The following OPCML variants were observed in gnomAD, a reference collection of about 807,000 sequenced individuals.
OPCML encodes the protein opioid binding protein/cell adhesion molecule like, also known as opioid-binding protein/cell adhesion molecule.
Under a neutral mutation model 37.8 loss-of-function variants are expected in OPCML, and 13 were observed. That is an observed-to-expected ratio of 0.34 (90% CI 0.22 to 0.55). The LOEUF (loss-of-function observed/expected upper bound fraction) is 0.55, where lower values mean the gene tolerates loss of function less well. OPCML is among the 20% of genes least tolerant of loss of function. The pLI, the probability that OPCML is intolerant of heterozygous loss-of-function variation, is 0.91. For synonymous variants in OPCML, 176 were observed against 168.8 expected, an observed-to-expected ratio of 1.04 and a Z score of -0.33; for missense variants, 341 against 435.6, an observed-to-expected ratio of 0.78 and a Z score of 1.93.
At chr11:132,932,774 G>A (rs985762457) in intron 2 of OPCML, among the ~76,000 whole-genome samples, 2 of 150,356 alleles carry the variant, frequency 1.3e-5, no homozygotes, top group African/African-American at 2.4e-5. Context: ...TTGTGCTCTT[G>A]CTGCAATGTA....
chr11:132,654,506 T>TTCCCCAAGAGAAGCTCC (rs1165031494), intron 3 of OPCML, among the ~76,000 whole-genome samples: 59 of 105,214 alleles, frequency 5.6e-4, no homozygotes, highest in Admixed American at 3.8e-3. Flanking sequence ...AGAGAAGCTC[T>TTCCCCAAGAGAAGCTCC]TCCCCAAGAG....
At chr11:133,512,362 A>G (rs1331405817) in intron 1 of OPCML, among the ~76,000 whole-genome samples, 3 of 152,248 alleles carry the variant, frequency 2.0e-5, no homozygotes, top group Non-Finnish European at 4.4e-5. Context: ...GCTACAGATG[A>G]ACAGCCAGAT....
chr11:132,571,866 G>C (rs916813864), intron 3 of OPCML, among the ~76,000 whole-genome samples: 2 of 152,108 alleles, frequency 1.3e-5, no homozygotes, highest in Non-Finnish European at 2.9e-5. Context: ...CATAGCAGCT[G>C]TACCATTTTG....
chr11:133,104,668 G>C (rs1430855003), intron 1 of OPCML, among the ~76,000 whole-genome samples: 1 of 152,148 alleles, frequency 6.6e-6, no homozygotes, highest in Non-Finnish European at 1.5e-5. Flanking sequence ...GCTGGTGTTA[G>C]GTTTTATTTC....
At chr11:132,426,509 G>A (rs1031299253) in intron 7 of OPCML, among the ~76,000 whole-genome samples, 8 of 152,114 alleles carry the variant, frequency 5.3e-5, no homozygotes, top group Admixed American at 2.0e-4. Flanking sequence ...GCACGATCTC[G>A]GCTGAATCTG....
rs558157717 is a variant in OPCML at position 132,542,173 on chromosome 11, C to T, written c.380-12987G>A. Among the ~76,000 whole-genome samples the T allele has an allele frequency of 9.9e-5, 15 of 152,232 alleles. No individual in the cohort carries two copies. The South Asian group carries it at 1.9e-3, about 19-fold the overall frequency. ...ATGGTCCCTGATGCCTCCAGTCTTCCGCCTCAGTCCTGTCACATTTTAAGC... is the reference window on the plus strand; with the variant it reads ...ATGGTCCCTGATGCCTCCAGTCTTCTGCCTCAGTCCTGTCACATTTTAAGC... On this transcript the variant is annotated intron_variant, in intron 3 of 7. Transcript: ENST00000524381.
chr11:132,437,180 G>T (rs1390625946), intron 5 of OPCML, 42 bp downstream of exon 5: 1 of 1,603,128 alleles, frequency 6.2e-7, no homozygotes, highest in Non-Finnish European at 8.5e-7. Context: ...TACTCCCTGT[G>T]CCGTCTTTTC....
chr11:133,293,434 T>C (rs1266653608), intron 1 of OPCML, among the ~76,000 whole-genome samples: 4 of 151,954 alleles, frequency 2.6e-5, no homozygotes. Flanking sequence ...GACTGAAGAG[T>C]ATTCACCCTG....
At chr11:132,880,649 G>T (rs181189232) in intron 2 of OPCML, among the ~76,000 whole-genome samples, 2 of 152,134 alleles carry the variant, frequency 1.3e-5, no homozygotes, top group Non-Finnish European at 2.9e-5. Flanking sequence ...TAAAGTGAAC[G>T]CCCAAAAGGA....
intron 1 of OPCML, among the ~76,000 whole-genome samples, chr11:133,474,805 G>A (rs1211580649): frequency 6.6e-6 from 1 of 152,200 alleles, no homozygotes; most frequent in South Asian, 2.1e-4. Flanking sequence ...AGAGAATATA[G>A]GAGAGGAGGG....
chr11:133,264,637 A>G (rs578089381), intron 1 of OPCML, among the ~76,000 whole-genome samples: 2 of 152,294 alleles, frequency 1.3e-5, no homozygotes, highest in South Asian at 4.1e-4. Context: ...CACATATGGC[A>G]ATTTTATAAG....
intron 3 of OPCML, among the ~76,000 whole-genome samples, chr11:132,606,325 G>A (rs1250470610): frequency 2.0e-5 from 3 of 152,070 alleles, no homozygotes; most frequent in Admixed American, 6.5e-5. Flanking sequence ...TGCCTGCTGG[G>A]GAGACGCTCG....
chr11:133,166,541 G>A (rs1161963962), intron 1 of OPCML, among the ~76,000 whole-genome samples: 1 of 152,208 alleles, frequency 6.6e-6, no homozygotes, highest in East Asian at 1.9e-4. Flanking sequence ...TGGGAACACA[G>A]AGGAAGGAGT....
intron 4 of OPCML, among the ~76,000 whole-genome samples, chr11:132,472,767 C>G (rs1003118783): frequency 1.3e-5 from 2 of 152,226 alleles, no homozygotes; most frequent in Non-Finnish European, 2.9e-5. Flanking sequence ...AGCACAAGTG[C>G]TCTGTGCATC....
At chr11:133,511,371 C>A (rs1948152838) in intron 1 of OPCML, among the ~76,000 whole-genome samples, 2 of 152,230 alleles carry the variant, frequency 1.3e-5, no homozygotes, top group Non-Finnish European at 2.9e-5. Context: ...GAACTTCTTA[C>A]ACAGGACCGC....
chr11:132,980,885 T>G (rs1946566750), intron 1 of OPCML, among the ~76,000 whole-genome samples: 1 of 152,236 alleles, frequency 6.6e-6, no homozygotes, highest in Non-Finnish European at 1.5e-5. Context: ...CCCGTGTCAC[T>G]TAATGACAGG....
intron 1 of OPCML, among the ~76,000 whole-genome samples, chr11:133,367,171 G>T (rs1352924825): frequency 2.0e-5 from 3 of 152,130 alleles, no homozygotes; most frequent in Non-Finnish European, 4.4e-5. Context: ...TACAGAGAGG[G>T]TTTCACCATG....
intron 3 of OPCML, among the ~76,000 whole-genome samples, chr11:132,634,264 G>T (rs561606735): frequency 2.0e-5 from 3 of 152,310 alleles, no homozygotes; most frequent in African/African-American, 7.2e-5. Context: ...TCTCATAAAG[G>T]AAGCAGGTTG....
At position 133,174,559 on chromosome 11, in the gene OPCML, G is replaced by T. The variant is rs549397098; in HGVS notation, c.62-231549C>A. 1.4e-5 allele frequency among the ~76,000 whole-genome samples: 2 copies of T among 146,552 alleles called. No individual in the cohort carries two copies. The highest frequency in any genetic ancestry group is 3.0e-5 in the Non-Finnish European group (2 of 67,372). ...GCAACCTGCATACCCAAAAATAGTCGAAAAGAGTTGTACTCTATCTATACA... is the reference window on the plus strand; with the variant it reads ...GCAACCTGCATACCCAAAAATAGTCTAAAAGAGTTGTACTCTATCTATACA... On this transcript the variant is annotated intron_variant, in intron 1 of 7. Transcript: ENST00000524381. The surrounding 1 kb of genome is among the most constrained non-coding windows in gnomAD (Gnocchi z 4.6).
Sources: allele counts gnomAD v4.1 joint callset (sites outside exome capture counted in the v4.1 genomes callset), GRCh38; gene constraint gnomAD v4.1.1; non-coding constraint Gnocchi (gnomAD v3.1); transcripts MANE v1.5; gene names NCBI Gene and HGNC (gene_info 2026-07-23, HGNC 2026-07-21).